Variants in SULF2 observed in about 807,000 individuals in gnomAD.
SULF2 encodes extracellular sulfatase Sulf-2.
SULF2 carries 52 observed loss-of-function variants against 107.7 expected under a neutral mutation model. The observed-to-expected ratio is 0.48, with a 90% CI of 0.39 to 0.61. SULF2 has a LOEUF of 0.61. SULF2 is among the 20% of genes least tolerant of loss of function. The pLI is 0.00. For missense variants in SULF2, 993 were observed against 1,177.3 expected, an observed-to-expected ratio of 0.84 and a Z score of 2.29; for synonymous variants, 460 against 464.3, an observed-to-expected ratio of 0.99 and a Z score of 0.12.
chr20:47,725,945 G>C (rs958153833), intron 3 of SULF2, among the ~76,000 whole-genome samples: 1 of 152,232 alleles, frequency 6.6e-6, no homozygotes, highest in African/African-American at 2.4e-5. Context: ...GGGATGGATG[G>C]TGTCTGCTGC....
chr20:47,743,163 A>G (rs948843709), intron 2 of SULF2, among the ~76,000 whole-genome samples: 2 of 152,156 alleles, frequency 1.3e-5, no homozygotes, highest in African/African-American at 4.8e-5. Flanking sequence ...TCCTAGGGAA[A>G]GCAGCAGAAG....
intron 1 of SULF2, among the ~76,000 whole-genome samples, chr20:47,778,896 C>T (rs988679983): frequency 6.6e-6 from 1 of 152,166 alleles, no homozygotes; most frequent in Non-Finnish European, 1.5e-5. Flanking sequence ...TAATTGTGTC[C>T]AGTCCCACAG....
At chr20:47,768,588 G>A (rs2090568437) in intron 1 of SULF2, among the ~76,000 whole-genome samples, 1 of 152,228 alleles carries the variant, frequency 6.6e-6, no homozygotes. Context: ...AGGCCTCCTT[G>A]GCCTGTGCCC....
At chr20:47,673,942 A>G (rs2087558560) in intron 10 of SULF2, among the ~76,000 whole-genome samples, 1 of 152,136 alleles carries the variant, frequency 6.6e-6, no homozygotes, top group Admixed American at 6.5e-5. Flanking sequence ...TCTGCCTGGA[A>G]TTCTCCTTCC....
intron 1 of SULF2, among the ~76,000 whole-genome samples, chr20:47,769,359 ATTT>A (rs71183279): frequency 1.6e-5 from 2 of 128,568 alleles, no homozygotes; most frequent in Non-Finnish European, 1.7e-5. Context: ...TAATTTTTGT[ATTT>A]TTTTTTTTTT....
intron 7 of SULF2, among the ~76,000 whole-genome samples, chr20:47,679,873 C>T (rs1268168440): frequency 6.6e-6 from 1 of 152,160 alleles, no homozygotes; most frequent in African/African-American, 2.4e-5. Context: ...ACTGCGCCCC[C>T]TCCCCACCCT....
At chr20:47,705,159 CCA>C (rs1302713486) in intron 3 of SULF2, among the ~76,000 whole-genome samples, 1 of 152,174 alleles carries the variant, frequency 6.6e-6, no homozygotes, top group African/African-American at 2.4e-5. Context: ...GGTGACCGCT[CCA>C]GAGGGAGGAG....
chr20:47,707,932 A>C (rs1253128016), intron 3 of SULF2, among the ~76,000 whole-genome samples: 1 of 152,200 alleles, frequency 6.6e-6, no homozygotes, highest in Admixed American at 6.5e-5. Flanking sequence ...AATCTAGGGT[A>C]AAATGTTAAC....
chr20:47,709,475 C>A (rs973807432), intron 3 of SULF2, among the ~76,000 whole-genome samples: 1 of 152,238 alleles, frequency 6.6e-6, no homozygotes, highest in African/African-American at 2.4e-5. Context: ...GGCACCAACA[C>A]TTCCTTATTT....
intron 3 of SULF2, among the ~76,000 whole-genome samples, chr20:47,713,336 C>A (rs2088996365): frequency 6.6e-6 from 1 of 150,926 alleles, no homozygotes; most frequent in Admixed American, 6.6e-5. Context: ...ATGGGATGGC[C>A]CTCCTCCCCC....
chr20:47,670,560 C>G (rs2087429255), intron 11 of SULF2, among the ~76,000 whole-genome samples: 1 of 145,406 alleles, frequency 6.9e-6, no homozygotes, highest in Non-Finnish European at 1.5e-5. Context: ...GAGAAATAAG[C>G]CAGCCACAGA....
At chr20:47,691,241 G>A (rs539294263) in intron 4 of SULF2, among the ~76,000 whole-genome samples, 7 of 152,324 alleles carry the variant, frequency 4.6e-5, no homozygotes, top group Admixed American at 1.3e-4. Flanking sequence ...GTAGTTAAAA[G>A]TTATGACAGA....
At chr20:47,723,840 TTAGAAA>T (rs1192821138) in intron 3 of SULF2, among the ~76,000 whole-genome samples, 1 of 152,184 alleles carries the variant, frequency 6.6e-6, no homozygotes, top group Non-Finnish European at 1.5e-5. Flanking sequence ...TGTGATAATA[TTAGAAA>T]TAAAGTGCAC....
chr20:47,770,517 TA>T (rs990527518), intron 1 of SULF2, among the ~76,000 whole-genome samples: 3 of 152,206 alleles, frequency 2.0e-5, no homozygotes, highest in Admixed American at 2.0e-4. Context: ...AATGAATGAA[TA>T]ACTGCACGGT....
intron 3 of SULF2, among the ~76,000 whole-genome samples, chr20:47,704,857 C>A (rs1199762316): frequency 8.5e-5 from 13 of 152,174 alleles, no homozygotes; most frequent in East Asian, 3.9e-4. Context: ...GGGAGGTGAA[C>A]CCCCAGAGGA....
chr20:47,683,080 G>T lies in SULF2; in HGVS notation c.978C>A (p.Gly326=). The change falls in exon 7 of 21, where the codon GGC becomes GGA. Residue 326 remains glycine, a synonymous_variant. Coordinates refer to ENST00000688720, the MANE Select transcript of SULF2 (RefSeq NM_001387048.1). ...ATGGCATGGATTTCCCTTTCACCAG[G>T]CCAAACTGGCCGATGTGGTAACCGT... is the stretch of plus-strand genomic sequence containing the variant. ...ADHGYHIGQF[G]LVKGKSMPYE... The T allele has an allele frequency of 6.2e-7, 1 of 1,613,586 alleles. No homozygotes were observed. Among genetic ancestry groups the T allele is most frequent in the Non-Finnish European group, 8.5e-7 (1 of 1,179,908 alleles).
chr20:47,722,115 C>A (rs2089312547), intron 3 of SULF2, among the ~76,000 whole-genome samples: 2 of 152,182 alleles, frequency 1.3e-5, no homozygotes, highest in Non-Finnish European at 2.9e-5. Context: ...GTTCTGACAG[C>A]GTTTGAGCAC....
intron 3 of SULF2, among the ~76,000 whole-genome samples, chr20:47,713,347 C>T (rs1197412759): frequency 1.3e-5 from 2 of 152,174 alleles, no homozygotes; most frequent in Non-Finnish European, 1.5e-5. Flanking sequence ...CTCCTCCCCC[C>T]GTAAAGAATG....
At chr20:47,746,639 G>A (rs565051976) in intron 2 of SULF2, among the ~76,000 whole-genome samples, 4 of 152,196 alleles carry the variant, frequency 2.6e-5, no homozygotes, top group Admixed American at 6.5e-5. Context: ...AGCAGAAATC[G>A]GGAGCCACAC....
Sources: allele counts gnomAD v4.1 joint callset (sites outside exome capture counted in the v4.1 genomes callset), GRCh38; gene constraint gnomAD v4.1.1; transcripts MANE v1.5; gene names NCBI Gene and HGNC (gene_info 2026-07-23, HGNC 2026-07-21).